VAMP8: variants seen among roughly 807,000 people sequenced by gnomAD.
VAMP8 encodes vesicle associated membrane protein 8.
In VAMP8, 9 loss-of-function variants were observed where a neutral mutation model predicts 11.4. The observed-to-expected ratio is 0.79, with a 90% CI of 0.48 to 1.38. The LOEUF is 1.38. Among genes scored for constraint, VAMP8 ranks in the 40% most tolerant of loss-of-function variants. The pLI, the probability that VAMP8 is intolerant of heterozygous loss-of-function variation, is 0.00. For synonymous variants in VAMP8, 42 were observed against 44.7 expected (o/e 0.94, Z 0.24); for missense variants, 108 against 127.8 (o/e 0.85, Z 0.75).
rs555097033 is a variant in VAMP8, at chr2:85,581,822, C to A, written c.*106C>A. 38 of 1,480,598 alleles carry A rather than the reference C, an allele frequency of 2.6e-5. No individual in the cohort carries two copies. The South Asian group carries it at 4.4e-4, about 17-fold the overall frequency. 91.7% of individuals were successfully genotyped at this position (1,480,598 alleles called of 1,614,324 possible). A position where few individuals can be genotyped will look rare whatever the true frequency, so the allele number is the denominator to read the frequency against. On this transcript the variant is annotated 3_prime_UTR_variant, in exon 3 of 3. Coordinates refer to ENST00000263864, the MANE Select transcript of VAMP8 (RefSeq NM_003761.5). ...GTCTTCCTCTACAGAGAATGCTGCT[C>A]GGTCCTCCTACCCCTCTTCCCGAGG...
intron 1 of VAMP8, 63 bp from the exon 2 acceptor site, chr2:85,578,946 C>G (rs887446189): frequency 6.4e-7 from 1 of 1,556,068 alleles, no homozygotes; most frequent in Admixed American, 1.9e-5. Flanking sequence ...CTCCCCAGAT[C>G]TCTGAGCCCA....
chr2:85,581,489 A>C, intron 2 of VAMP8, 87 bp from the exon 3 acceptor site: 4 of 1,476,812 alleles, frequency 2.7e-6, no homozygotes, highest in Non-Finnish European at 3.6e-6. Flanking sequence ...AAAAAAAAGT[A>C]TGGCCTGTGG....
intron 2 of VAMP8, among the ~76,000 whole-genome samples, chr2:85,581,251 G>A (rs536884634): frequency 1.3e-5 from 2 of 152,214 alleles, no homozygotes; most frequent in South Asian, 2.1e-4. Context: ...AGGCCAAGGC[G>A]AGTGGATCAC....
chr2:85,581,981 C>T lies in VAMP8; in HGVS notation c.*265C>T. ...GAGACCTAGAGGGCCCAGCATGTGG[C>T]TGGGAAACTGTTGGTGGCCAGTGGG... On this transcript the variant is annotated 3_prime_UTR_variant, in exon 3 of 3. Coordinates refer to ENST00000263864, the MANE Select transcript of VAMP8 (RefSeq NM_003761.5). 1 of 445,346 alleles carries T rather than the reference C, an allele frequency of 2.2e-6. No individual in the cohort carries two copies. The highest frequency in any genetic ancestry group is 3.8e-5 in the East Asian group (1 of 25,982). 27.6% of individuals were successfully genotyped at this position (445,346 alleles called of 1,614,324 possible). A position where few individuals can be genotyped will look rare whatever the true frequency, so the allele number is the denominator to read the frequency against.
At chr2:85,578,477 T>C (rs1222841133) in intron 1 of VAMP8, among the ~76,000 whole-genome samples, 1 of 152,212 alleles carries the variant, frequency 6.6e-6, no homozygotes, top group African/African-American at 2.4e-5. Flanking sequence ...CCTGTTGTTC[T>C]GGGTCACAGC....
chr2:85,579,460 G>A (rs983192010), intron 2 of VAMP8, among the ~76,000 whole-genome samples: 5 of 152,204 alleles, frequency 3.3e-5, no homozygotes, highest in South Asian at 2.1e-4. Context: ...CTTCTCTCCC[G>A]GGAAACTTGT....
chr2:85,578,328 C>G (rs1372741713), intron 1 of VAMP8, among the ~76,000 whole-genome samples: 2 of 152,072 alleles, frequency 1.3e-5, no homozygotes, highest in African/African-American at 2.4e-5. Flanking sequence ...CTCCATTTCC[C>G]CCAACACCCA....
rs1239584484 is a variant in VAMP8, at chr2:85,581,647, C to G, written c.234C>G (p.Val78=). The G allele has an allele frequency of 6.2e-7, 1 of 1,614,108 alleles. No homozygotes were observed. Among genetic ancestry groups the G allele is most frequent in the Non-Finnish European group, 8.5e-7 (1 of 1,180,032 alleles). ...KFWWKNVKMI[V]LICVIVFIII... ...GGTGGAAGAACGTGAAGATGATTGT[C>G]CTTATCTGCGTGATTGTTTTTATCA... Residue 78 remains valine (V), a synonymous_variant, in exon 3 of 3, where the codon GTC becomes GTG. Coordinates refer to ENST00000263864, the MANE Select transcript of VAMP8 (RefSeq NM_003761.5).
intron 1 of VAMP8, among the ~76,000 whole-genome samples, chr2:85,578,687 C>A (rs1230137860): frequency 2.0e-5 from 3 of 152,202 alleles, no homozygotes; most frequent in East Asian, 3.9e-4. Flanking sequence ...GCTGGCCCTG[C>A]TGTATTCTAC....
intron 2 of VAMP8, 24 bp downstream of exon 2, chr2:85,579,191 G>C: frequency 6.4e-7 from 1 of 1,553,840 alleles, no homozygotes; most frequent in South Asian, 1.2e-5. Flanking sequence ...CCCACTGGGG[G>C]CTGGAGGAAA....
chr2:85,580,828 G>T (rs902834211), intron 2 of VAMP8, among the ~76,000 whole-genome samples: 1 of 151,464 alleles, frequency 6.6e-6, no homozygotes, highest in East Asian at 2.0e-4. Flanking sequence ...CACCACACCC[G>T]GCTAATTTTC....
chr2:85,579,963 T>A, intron 2 of VAMP8: 5 of 1,471,614 alleles, frequency 3.4e-6, no homozygotes, highest in South Asian at 1.4e-5. Context: ...CGGGAATTTT[T>A]TTTTTTTTTT....
In VAMP8 at chr2:85,581,761, C is replaced by G; in HGVS notation, c.*45C>G. The stretch of plus-strand genomic sequence containing the variant: ...ACCTGCCCTTCTCTTCAGGGACAAC[C>G]CTCCATAAATGTGTGCCAAGAGGGT... On this transcript the variant is annotated 3_prime_UTR_variant, in exon 3 of 3. Coordinates refer to ENST00000263864, the MANE Select transcript of VAMP8 (RefSeq NM_003761.5). The G allele has an allele frequency of 6.2e-7, 1 of 1,611,198 alleles. No individual in the cohort carries two copies. The highest frequency in any genetic ancestry group is 8.5e-7 in the Non-Finnish European group (1 of 1,178,142).
At chr2:85,581,428 C>T in intron 2 of VAMP8, 148 bp from the exon 3 acceptor site, 1 of 991,416 alleles carries the variant, frequency 1.0e-6, no homozygotes, top group Non-Finnish European at 1.4e-6. Flanking sequence ...AGCAGTGAGC[C>T]AAGATCGAGC....
At position 85,581,975 on chromosome 2, in the gene VAMP8, A is replaced by G; in HGVS notation, c.*259A>G. On this transcript the variant is annotated 3_prime_UTR_variant, in exon 3 of 3. Coordinates refer to ENST00000263864, the MANE Select transcript of VAMP8 (RefSeq NM_003761.5). Reference sequence around the variant, plus strand: ...GCTGGAGAGACCTAGAGGGCCCAGCATGTGGCTGGGAAACTGTTGGTGGCC... The same window carrying G: ...GCTGGAGAGACCTAGAGGGCCCAGCGTGTGGCTGGGAAACTGTTGGTGGCC... 2 of 457,786 alleles carry G rather than the reference A, an allele frequency of 4.4e-6. No individual in the cohort carries two copies. Among genetic ancestry groups the G allele is most frequent in the Non-Finnish European group, 7.8e-6 (2 of 257,646 alleles). The allele number at this position is 457,786 out of a possible 1,614,324, so 28.4% of individuals were successfully genotyped here.
At chr2:85,579,282 CT>C in intron 2 of VAMP8, 115 bp downstream of exon 2, 1 of 1,242,108 alleles carries the variant, frequency 8.1e-7, no homozygotes, top group Admixed American at 2.8e-5. Context: ...TGCCTTTCAC[CT>C]GGTTTGGGAG....
intron 1 of VAMP8, among the ~76,000 whole-genome samples, chr2:85,578,269 C>T (rs886381446): frequency 1.3e-5 from 2 of 152,128 alleles, no homozygotes; most frequent in Non-Finnish European, 2.9e-5. Context: ...TGTTCAAAAA[C>T]CTTGTCATGA....
intron 2 of VAMP8, 142 bp downstream of exon 2, chr2:85,579,309 T>C (rs1672331777): frequency 1.1e-6 from 1 of 937,070 alleles, no homozygotes; most frequent in Non-Finnish European, 1.6e-6. Context: ...GTGAGCTGAG[T>C]CTCCACTTCT....
At chr2:85,579,936 T>A in intron 2 of VAMP8, 1 of 1,505,958 alleles carries the variant, frequency 6.6e-7, no homozygotes, top group Non-Finnish European at 8.8e-7. Flanking sequence ...TGTAGCTTAA[T>A]TTGGGGAGCA....
Sources: allele counts gnomAD v4.1 joint callset (sites outside exome capture counted in the v4.1 genomes callset), GRCh38; gene constraint gnomAD v4.1.1; transcripts MANE v1.5; gene names NCBI Gene and HGNC (gene_info 2026-07-23, HGNC 2026-07-21).